CCDC148: variants seen among roughly 807,000 people sequenced by gnomAD.
CCDC148 encodes coiled-coil domain-containing protein 148.
CCDC148 carries 89 observed loss-of-function variants against 85.7 expected under a neutral mutation model. The ratio of observed to expected loss-of-function variants is 1.04; its 90% confidence interval spans 0.87 to 1.24. The LOEUF (loss-of-function observed/expected upper bound fraction) is 1.24. CCDC148 is among the 50% of genes most tolerant of loss of function. The pLI is 0.00. For synonymous variants in CCDC148, 230 were observed against 213.9 expected (o/e 1.08, Z -0.66); for missense variants, 692 against 671.7 (o/e 1.03, Z -0.33).
At chr2:158,274,647 T>C (rs1356325463) in intron 9 of CCDC148, among the ~76,000 whole-genome samples, 2 of 152,206 alleles carry the variant, frequency 1.3e-5, no homozygotes, top group Non-Finnish European at 2.9e-5. Flanking sequence ...TGAAATATTA[T>C]AGAGTATTTG....
intron 1 of CCDC148, among the ~76,000 whole-genome samples, chr2:158,433,801 G>A (rs1229363205): frequency 6.6e-6 from 1 of 152,208 alleles, no homozygotes; most frequent in Non-Finnish European, 1.5e-5. Flanking sequence ...AAGGGTCTTA[G>A]CAAATGGCAC....
chr2:158,223,580 A>C (rs1687320862), intron 10 of CCDC148, among the ~76,000 whole-genome samples: 1 of 152,204 alleles, frequency 6.6e-6, no homozygotes, highest in Non-Finnish European at 1.5e-5. Context: ...CAGTAGGGGC[A>C]GACTGACACC....
At chr2:158,403,388 C>T (rs1685867193) in intron 1 of CCDC148, among the ~76,000 whole-genome samples, 1 of 151,984 alleles carries the variant, frequency 6.6e-6, no homozygotes, top group South Asian at 2.1e-4. Context: ...CCACACCATA[C>T]ATACAGACAC....
At chr2:158,264,594 A>G (rs1434430495) in intron 9 of CCDC148, among the ~76,000 whole-genome samples, 1 of 152,076 alleles carries the variant, frequency 6.6e-6, no homozygotes, top group Non-Finnish European at 1.5e-5. Flanking sequence ...AAGACAGAAA[A>G]AGAAGTGGGG....
intron 1 of CCDC148, among the ~76,000 whole-genome samples, chr2:158,438,276 G>C (rs1444445639): frequency 1.3e-5 from 2 of 152,082 alleles, no homozygotes; most frequent in Non-Finnish European, 2.9e-5. Flanking sequence ...CCAAAACCGA[G>C]ATATAGACCA....
chr2:158,263,549 C>T (rs978145297), intron 9 of CCDC148, among the ~76,000 whole-genome samples: 5 of 152,062 alleles, frequency 3.3e-5, no homozygotes, highest in African/African-American at 1.2e-4. Context: ...CTCAATAAAA[C>T]TCATTCTTAA....
chr2:158,290,626 A>G (rs772819171), intron 9 of CCDC148, among the ~76,000 whole-genome samples: 2 of 151,944 alleles, frequency 1.3e-5, no homozygotes, highest in Admixed American at 6.6e-5. Flanking sequence ...CCCACATTCT[A>G]TCATTTTCTT....
intron 8 of CCDC148, among the ~76,000 whole-genome samples, chr2:158,313,414 C>G (rs1280629061): frequency 6.6e-6 from 1 of 152,140 alleles, no homozygotes; most frequent in Non-Finnish European, 1.5e-5. Flanking sequence ...TCAGGCAAGA[C>G]CTGGAGATGG....
In CCDC148 at chr2:158,302,836, G is replaced by A. The variant is rs192715935; in HGVS notation, c.1110+6597C>T. Among the ~76,000 whole-genome samples, 494 of 151,972 alleles carry A rather than the reference G, an allele frequency of 3.3e-3. 1 individual carries two copies. The highest frequency in any genetic ancestry group is 0.01 in the Middle Eastern group (3 of 294). ...TGGGGAGGATGTTCCTAGGCATGCC[G>A]TTGAAAGACAAGGATGCTGCGGAAT... On this transcript the variant is annotated intron_variant, in intron 9 of 13. Transcript: ENST00000283233.
At chr2:158,406,439 G>C (rs1201159350) in intron 1 of CCDC148, among the ~76,000 whole-genome samples, 1 of 151,866 alleles carries the variant, frequency 6.6e-6, no homozygotes, top group Non-Finnish European at 1.5e-5. Context: ...AATGTCCTGT[G>C]GGCTAGTGTG....
At chr2:158,243,120 C>A (rs1688420345) in intron 10 of CCDC148, among the ~76,000 whole-genome samples, 1 of 152,058 alleles carries the variant, frequency 6.6e-6, no homozygotes, top group African/African-American at 2.4e-5. Context: ...TGTGCTTTTA[C>A]AGGAGGATCT....
At chr2:158,450,878 A>G (rs1012591691) in intron 1 of CCDC148, among the ~76,000 whole-genome samples, 2 of 152,130 alleles carry the variant, frequency 1.3e-5, no homozygotes, top group Non-Finnish European at 2.9e-5. Flanking sequence ...TTGCTTCTTC[A>G]AATATTTTTT....
chr2:158,238,382 C>T (rs72995405), intron 10 of CCDC148, among the ~76,000 whole-genome samples: 12,174 of 151,856 alleles, frequency 0.08, 1,559 homozygotes, highest in African/African-American at 0.27. Flanking sequence ...GAGAGGTGGG[C>T]AGATGTCATA....
At chr2:158,276,439 A>T (rs1189240362) in intron 9 of CCDC148, among the ~76,000 whole-genome samples, 1 of 151,966 alleles carries the variant, frequency 6.6e-6, no homozygotes, top group African/African-American at 2.4e-5. Context: ...GTCTCAAAAC[A>T]AAAACAAAAA....
intron 9 of CCDC148, among the ~76,000 whole-genome samples, chr2:158,264,357 T>A (rs1420878974): frequency 6.6e-6 from 1 of 152,022 alleles, no homozygotes; most frequent in Admixed American, 6.6e-5. Flanking sequence ...AGACCAAGAA[T>A]GGAATGTGAT....
intron 7 of CCDC148, among the ~76,000 whole-genome samples, chr2:158,330,771 T>C (rs1266286000): frequency 6.6e-6 from 1 of 152,240 alleles, no homozygotes; most frequent in Non-Finnish European, 1.5e-5. Flanking sequence ...TATCCATTTC[T>C]TCTAGAACTT....
intron 10 of CCDC148, among the ~76,000 whole-genome samples, chr2:158,224,129 C>T (rs535673505): frequency 6.6e-6 from 1 of 152,238 alleles, no homozygotes; most frequent in Admixed American, 6.5e-5. Flanking sequence ...CTTAAAGGAC[C>T]TGATGGAGCT....
intron 1 of CCDC148, among the ~76,000 whole-genome samples, chr2:158,407,741 A>G (rs1686086650): frequency 6.6e-6 from 1 of 152,144 alleles, no homozygotes; most frequent in Non-Finnish European, 1.5e-5. Context: ...ATTCACTATT[A>G]TATGTCTGGG....
At chr2:158,289,532 C>A (rs1690790601) in intron 9 of CCDC148, among the ~76,000 whole-genome samples, 6 of 152,070 alleles carry the variant, frequency 3.9e-5, no homozygotes. Flanking sequence ...AATGAAATAC[C>A]ACAATACATT....
Sources: allele counts gnomAD v4.1 joint callset (sites outside exome capture counted in the v4.1 genomes callset), GRCh38; gene constraint gnomAD v4.1.1; transcripts MANE v1.5; gene names NCBI Gene and HGNC (gene_info 2026-07-23, HGNC 2026-07-21).